MTA3: variants seen among roughly 807,000 people sequenced by gnomAD.
MTA3 encodes the protein metastasis-associated protein MTA3.
In MTA3, 34 loss-of-function variants were observed where a neutral mutation model predicts 83.5. The ratio of observed to expected loss-of-function variants is 0.41; its 90% CI spans 0.31 to 0.54. The LOEUF is 0.54. Ranked by LOEUF, MTA3 falls within the 20% of genes least tolerant of loss-of-function variation. The probability of loss-of-function intolerance (pLI) is 0.33; values close to 1 mark genes in which losing one functional copy is unlikely to be tolerated. For synonymous variants in MTA3, 303 were observed against 252.7 expected (o/e 1.20, Z -1.89); for missense variants, 761 against 726.4 (o/e 1.05, Z -0.55).
chr2:42,754,813 G>A lies in MTA3; in HGVS notation c.*1414G>A. ...CACGAGGTAACTTGGTAAGGATAAT[G>A]ATGCTGTAGATGTCTGTGTCCTCGG... On this transcript the variant is annotated 3_prime_UTR_variant, in exon 17 of 17. Coordinates refer to ENST00000405094, the MANE Select transcript of MTA3 (RefSeq NM_001330442.2). The A allele has an allele frequency of 1.0e-6, 1 of 985,536 alleles. No individual in the cohort carries two copies. The allele number at this position is 985,536 out of a possible 1,614,324, so 61.0% of individuals were successfully genotyped here.
intron 8 of MTA3, 113 bp downstream of exon 8, chr2:42,659,975 A>G (rs1689521251): frequency 6.7e-6 from 4 of 592,744 alleles, no homozygotes; most frequent in Non-Finnish European, 1.1e-5. Context: ...AGCCTTCCTG[A>G]CTGCTAGGTT....
In MTA3 at chr2:42,570,428, T is replaced by G. The variant is rs750491983; in HGVS notation, c.29-9T>G. 31 of 1,493,816 alleles carry G rather than the reference T, an allele frequency of 2.1e-5. No homozygotes were observed. Among genetic ancestry groups the G allele is most frequent in the Non-Finnish European group, 2.8e-5 (31 of 1,099,048 alleles). 92.5% of individuals were successfully genotyped at this position (1,493,816 alleles called of 1,614,324 possible). On this transcript the variant is annotated splice_polypyrimidine_tract_variant and intron_variant, in intron 1 of 16. Coordinates refer to ENST00000405094, the MANE Select transcript of MTA3 (RefSeq NM_001330442.2). ...AAAAGATTAAGTTCTGTACTTCCTTTAATTACAGATTATGTCTACTTTGAG... is the reference window on the plus strand; with the variant it reads ...AAAAGATTAAGTTCTGTACTTCCTTGAATTACAGATTATGTCTACTTTGAG...
rs1670213045 is a variant in MTA3, at chr2:42,755,997, A to G, written c.*2598A>G. The G allele has an allele frequency of 1.0e-6, 1 of 985,514 alleles. No homozygotes were observed. The highest frequency in any genetic ancestry group is 1.7e-5 in the African/African-American group (1 of 57,380). The allele number at this position is 985,514 out of a possible 1,614,324, so 61.0% of individuals were successfully genotyped here. A position where few individuals can be genotyped will look rare whatever the true frequency, so the allele number is the denominator to read the frequency against. ...TCACAATTCCCCTTGTGCACAGCCC[A>G]GTTTCCATCTCTCAGGGCCCACCCA... On this transcript the variant is annotated 3_prime_UTR_variant, in exon 17 of 17. Transcript: ENST00000405094.
intron 9 of MTA3, among the ~76,000 whole-genome samples, chr2:42,683,464 G>A (rs1297356718): frequency 6.6e-6 from 1 of 152,170 alleles, no homozygotes; most frequent in Admixed American, 6.5e-5. Flanking sequence ...TCCATGGACT[G>A]GGGGTGGAAG....
chr2:42,640,869 G>T (rs1164086265), intron 5 of MTA3, among the ~76,000 whole-genome samples: 1 of 152,092 alleles, frequency 6.6e-6, no homozygotes, highest in Non-Finnish European at 1.5e-5. Context: ...TAATCTTTAT[G>T]ATTTTTTTCT....
At chr2:42,701,641 C>T (rs1665568496) in intron 11 of MTA3, among the ~76,000 whole-genome samples, 1 of 152,070 alleles carries the variant, frequency 6.6e-6, no homozygotes, top group South Asian at 2.1e-4. Flanking sequence ...GTTGGCTGGG[C>T]ACAGTGACTT....
chr2:42,575,945 T>G (rs1678988977), intron 2 of MTA3, among the ~76,000 whole-genome samples: 1 of 152,206 alleles, frequency 6.6e-6, no homozygotes, highest in African/African-American at 2.4e-5. Flanking sequence ...ACTGGGGTTG[T>G]GTTGTGAGAG....
At chr2:42,678,806 A>G (rs1354023500) in intron 8 of MTA3, among the ~76,000 whole-genome samples, 2 of 152,220 alleles carry the variant, frequency 1.3e-5, no homozygotes, top group South Asian at 2.1e-4. Context: ...ACATATACAT[A>G]CATATTAATG....
chr2:42,573,589 C>T (rs1198386441), intron 2 of MTA3, among the ~76,000 whole-genome samples: 1 of 152,218 alleles, frequency 6.6e-6, no homozygotes, highest in East Asian at 1.9e-4. Flanking sequence ...CCGGTCACTG[C>T]AACCTCTGTC....
intron 10 of MTA3, among the ~76,000 whole-genome samples, chr2:42,696,174 A>G (rs1304139754): frequency 6.6e-6 from 1 of 152,184 alleles, no homozygotes; most frequent in Non-Finnish European, 1.5e-5. Flanking sequence ...AGTTATTTTT[A>G]TGAAGAATTG....
At chr2:42,716,377 A>G (rs963565915) in intron 14 of MTA3, among the ~76,000 whole-genome samples, 2 of 152,202 alleles carry the variant, frequency 1.3e-5, no homozygotes, top group Admixed American at 1.3e-4. Flanking sequence ...GGTTTGTTAT[A>G]TAGGTAAACT....
At position 42,504,667 on chromosome 2, in the gene MTA3, T is replaced by C. The variant is rs777186218; in HGVS notation, c.-141+9413T>C. Reference sequence around the variant, plus strand: ...TGCTCTAGGACCCTTTAAGCTTGCTTTTTTTTTTTTGTAGAGATGTGGTCT... The same window carrying C: ...TGCTCTAGGACCCTTTAAGCTTGCTCTTTTTTTTTTGTAGAGATGTGGTCT... On this transcript the variant is annotated intron_variant, in intron 2 of 17. Transcript: ENST00000405592. 4.8e-4 allele frequency among the ~76,000 whole-genome samples: 71 copies of C among 148,942 alleles called. 1 individual carries two copies. The highest frequency in any genetic ancestry group is 1.3e-4 in the Non-Finnish European group (9 of 66,856).
chr2:42,644,805 T>C (rs781185142), intron 6 of MTA3, among the ~76,000 whole-genome samples: 3 of 152,160 alleles, frequency 2.0e-5, no homozygotes, highest in African/African-American at 7.2e-5. Context: ...ACCGTACCCA[T>C]ATGAAAGGAT....
At chr2:42,726,211 T>C (rs755766940) in intron 16 of MTA3, among the ~76,000 whole-genome samples, 1 of 152,216 alleles carries the variant, frequency 6.6e-6, no homozygotes, top group Admixed American at 6.5e-5. Context: ...AGAGTGTTGA[T>C]GGGCAGAAGA....
At chr2:42,691,651 A>G (rs4952911) in intron 9 of MTA3, among the ~76,000 whole-genome samples, 98,560 of 152,006 alleles carry the variant, frequency 0.65, 32,883 homozygotes, top group South Asian at 0.81. Flanking sequence ...GCTCACCAAC[A>G]TCTATTTTTT....
intron 4 of MTA3, among the ~76,000 whole-genome samples, chr2:42,632,778 G>A (rs1686810774): frequency 6.6e-6 from 1 of 151,916 alleles, no homozygotes; most frequent in Admixed American, 6.6e-5. Context: ...TCTCTTTTTG[G>A]CTTTTCATTC....
intron 15 of MTA3, 112 bp from the exon 16 acceptor site, chr2:42,722,777 G>A: frequency 7.9e-7 from 1 of 1,270,358 alleles, no homozygotes; most frequent in Non-Finnish European, 1.1e-6. Flanking sequence ...GGCTCAGGAG[G>A]AACTGACTCT....
intron 4 of MTA3, among the ~76,000 whole-genome samples, chr2:42,610,472 A>T (rs957789684): frequency 7.2e-5 from 11 of 152,166 alleles, no homozygotes; most frequent in African/African-American, 2.2e-4. Context: ...AACATGGACC[A>T]CCCTTCCATT....
intron 16 of MTA3, among the ~76,000 whole-genome samples, chr2:42,727,918 C>T (rs1667942341): frequency 6.6e-6 from 1 of 151,954 alleles, no homozygotes; most frequent in African/African-American, 2.4e-5. Flanking sequence ...AATGGGTTAT[C>T]CATTACCTAA....
Sources: gnomAD v4.1 joint callset for allele counts (sites outside exome capture counted in the v4.1 genomes callset) on GRCh38, gnomAD v4.1.1 for gene constraint, MANE v1.5 for transcripts, NCBI Gene and HGNC (gene_info 2026-07-23, HGNC 2026-07-21) for gene names.